The following ENTPD2 variants were observed in gnomAD, a reference collection of about 807,000 sequenced individuals.
ENTPD2 encodes CD39 antigen-like 1.
In ENTPD2, 48 loss-of-function variants were observed where a neutral mutation model predicts 46.8. That is an observed-to-expected ratio of 1.03 (90% confidence interval 0.81 to 1.30). The LOEUF is 1.30. Ranked by LOEUF, ENTPD2 falls within the 50% of genes most tolerant of loss-of-function variation. The probability of loss-of-function intolerance (pLI) is 0.00; values close to 1 mark genes in which losing one functional copy is unlikely to be tolerated. For synonymous variants in ENTPD2, 316 were observed against 286.1 expected, an observed-to-expected ratio of 1.10 and a Z score of -1.06; for missense variants, 707 against 651.1, an observed-to-expected ratio of 1.09 and a Z score of -0.93.
chr9:137,048,558 A>C lies in ENTPD2; in HGVS notation c.*99T>G. On this transcript the variant is annotated 3_prime_UTR_variant, in exon 9 of 9. Transcript: ENST00000355097. ...GAGAGGGGTGGGTGGAGGGGTGGGGATACAGGGGTGGGAGGTACAGGGGTT... is the reference window on the plus strand; with the variant it reads ...GAGAGGGGTGGGTGGAGGGGTGGGGCTACAGGGGTGGGAGGTACAGGGGTT... 2 of 914,766 alleles carry C rather than the reference A, an allele frequency of 2.2e-6. No homozygotes were observed. Among genetic ancestry groups the C allele is most frequent in the Non-Finnish European group, 3.1e-6 (2 of 649,824 alleles). 56.7% of individuals were successfully genotyped at this position (914,766 alleles called of 1,614,324 possible).
At chr9:137,053,741 G>A (rs1832346894) in intron 1 of ENTPD2, 140 bp downstream of exon 1, 2 of 516,164 alleles carry the variant, frequency 3.9e-6, no homozygotes, top group Non-Finnish European at 5.9e-6. Flanking sequence ...GCGGAACCCG[G>A]GACCCCACCC....
At position 137,050,539 on chromosome 9, in the gene ENTPD2, C is replaced by T. The variant is rs1033933600; in HGVS notation, c.775-1G>A. On this transcript the variant is annotated splice_acceptor_variant, in intron 5 of 8. Transcript: ENST00000355097. LOFTEE classifies it high-confidence loss of function. Reference sequence around the variant, plus strand: ...GCCAGCAGGGGTGGAAGCCGTGGGTCTGGGGGAATCACCAGCGTGACAGGG... The same window carrying T: ...GCCAGCAGGGGTGGAAGCCGTGGGTTTGGGGGAATCACCAGCGTGACAGGG... The T allele has an allele frequency of 6.2e-7, 1 of 1,610,852 alleles. No homozygotes were observed. Among genetic ancestry groups the T allele is most frequent in the Middle Eastern group, 1.7e-4 (1 of 6,048 alleles).
chr9:137,048,930 C>T lies in ENTPD2; in HGVS notation c.1284+11G>A. 1 of 1,516,670 alleles carries T rather than the reference C, an allele frequency of 6.6e-7. No homozygotes were observed. Among genetic ancestry groups the T allele is most frequent in the Non-Finnish European group, 8.8e-7 (1 of 1,133,706 alleles). 94.0% of individuals were successfully genotyped at this position (1,516,670 alleles called of 1,614,324 possible). On this transcript the variant is annotated intron_variant, in intron 8 of 8. Coordinates refer to ENST00000355097, the MANE Select transcript of ENTPD2 (RefSeq NM_203468.3). ...GCAAGGTCGGCCCCGCCCCGCCCCG[C>T]CCCAGCCCACCTTCTTCTGGAAGAT...
At chr9:137,049,125 G>A (rs1232709641) in intron 7 of ENTPD2, 50 bp from the exon 8 acceptor site, 2 of 1,532,030 alleles carry the variant, frequency 1.3e-6, no homozygotes, top group African/African-American at 2.7e-5. Flanking sequence ...AGGAGGTCTC[G>A]GCCCCACGGG....
chr9:137,048,526 A>T lies in ENTPD2; in HGVS notation c.*131T>A. 1.8e-6 allele frequency: 1 copy of T among 570,478 alleles called. No homozygotes were observed. The highest frequency in any genetic ancestry group is 2.9e-6 in the Non-Finnish European group (1 of 343,380). 35.3% of individuals were successfully genotyped at this position (570,478 alleles called of 1,614,324 possible). On this transcript the variant is annotated 3_prime_UTR_variant, in exon 9 of 9. Coordinates refer to ENST00000355097, the MANE Select transcript of ENTPD2 (RefSeq NM_203468.3). ...ATGCAGGATACAGGGGCGGGGAGAGAGGTTGGGAGAGGGGTGGGTGGAGGG... is the reference window on the plus strand; with the variant it reads ...ATGCAGGATACAGGGGCGGGGAGAGTGGTTGGGAGAGGGGTGGGTGGAGGG...
At position 137,053,997 on chromosome 9, in the gene ENTPD2, TGGGCGGGC is replaced by T; in HGVS notation, c.-8_-1del. On this transcript the variant is annotated 5_prime_UTR_variant, in exon 1 of 9. Coordinates refer to ENST00000355097, the MANE Select transcript of ENTPD2 (RefSeq NM_203468.3). ...AGCAGTGACCGCACCTTCCCGGCCA[TGGGCGGGC>T]GGGCGCGCGGGAGGACGATGCGTGG... The T allele has an allele frequency of 8.4e-7, 1 of 1,197,444 alleles. No homozygotes were observed. Among genetic ancestry groups the T allele is most frequent in the Non-Finnish European group, 1.0e-6 (1 of 963,300 alleles). 74.2% of individuals were successfully genotyped at this position (1,197,444 alleles called of 1,614,324 possible).
In ENTPD2 at chr9:137,051,117, C is replaced by G; in HGVS notation, c.559G>C (p.Gly187Arg). 6.2e-7 allele frequency: 1 copy of G among 1,612,840 alleles called. No homozygotes were observed. Among genetic ancestry groups the G allele is most frequent in the Non-Finnish European group, 8.5e-7 (1 of 1,180,006 alleles). ...LENFIKYGWV[G>R]RWFRPRKGTL... ...CCCTTCCGTGGCCGGAACCACCGGC[C>G]CACCCAGCCGTACTGTGGAGAGGGG... The change falls in exon 5 of 9, where the codon GGC (glycine) becomes CGC (arginine). Residue 187 changes from glycine (G) to arginine (R), a missense_variant. By Grantham distance (125) the Gly-to-Arg change is moderately radical. Transcript: ENST00000355097.
In ENTPD2 at chr9:137,049,955, A is replaced by G. The variant is rs1832226712; in HGVS notation, c.1064T>C (p.Leu355Ser). The change falls in exon 7 of 9, where the codon TTG (leucine) becomes TCG (serine). Residue 355 changes from leucine (L) to serine (S), a missense_variant. Physicochemically the swap from Leu to Ser is moderately radical, Grantham distance 145. Transcript: ENST00000355097. ...FSAFFYTVDF[L>S]RTSMGLPVAT... ...CACGGGCAGCCCCATCGAAGTCCGC[A>G]AAAAGTCCACAGTGTAGAAGAAGGC... 2.5e-6 allele frequency: 4 copies of G among 1,612,614 alleles called. No individual in the cohort carries two copies. Among genetic ancestry groups the G allele is most frequent in the Non-Finnish European group, 3.4e-6 (4 of 1,179,808 alleles).
At position 137,051,070 on chromosome 9, in the gene ENTPD2, C is replaced by T. The variant is rs896680985; in HGVS notation, c.606G>A (p.Leu202=). The T allele has an allele frequency of 2.5e-6, 4 of 1,612,892 alleles. No homozygotes were observed. In the South Asian group the frequency reaches 4.4e-5, roughly 18 times the overall value. The part of the protein sequence containing the change: ...PRKGTLGAMD[L]GGASTQITFE... ...AAGTGATCTGGGTAGAGGCACCCCC[C>T]AGGTCCATGGCCCCCAGTGTCCCCT... Residue 202 remains leucine (L), a synonymous_variant, in exon 5 of 9, where the codon CTG becomes CTA. Transcript: ENST00000355097.
rs1398035791 is a variant in ENTPD2 at position 137,050,417 on chromosome 9, AC to A, written c.895del (p.Val299SerfsTer76). On this transcript the variant is annotated frameshift_variant, in exon 6 of 9. Transcript: ENST00000355097. LOFTEE classifies it high-confidence loss of function. ...RPQNFNSSARVSLSGSSDPHL... is the reference protein window; with the variant it reads ...RPQNFNSSARXSLSGSSDPHL... ...GGGGTCACTGCTCCCTGACAGGCTG[AC>A]CCTGGCACTGCTGTTGAAGTTCTGG... The A allele has an allele frequency of 1.2e-6, 2 of 1,612,854 alleles. No homozygotes were observed. The highest frequency in any genetic ancestry group is 1.7e-6 in the Non-Finnish European group (2 of 1,180,020).
intron 7 of ENTPD2, chr9:137,049,354 C>T: frequency 1.5e-6 from 1 of 666,482 alleles, no homozygotes; most frequent in Non-Finnish European, 2.7e-6. Flanking sequence ...GGCAGCAACA[C>T]CTTGGTGTGT....
At position 137,048,802 on chromosome 9, in the gene ENTPD2, A is replaced by T; in HGVS notation, c.1343T>A (p.Ile448Asn). ...GCGCAGCCCCGGCGGGTCGGCGGGG[A>T]TCAGGTTGGTCAGGTTCAGCATGTA... ...LGYMLNLTNL[I>N]PADPPGLRKG... Residue 448 changes from isoleucine to asparagine, a missense_variant, in exon 9 of 9, where the codon ATC (isoleucine) becomes AAC (asparagine). Physicochemically the swap from Ile to Asn is moderately radical, Grantham distance 149 (BLOSUM62 -3). Transcript: ENST00000355097. The T allele has an allele frequency of 6.3e-7, 1 of 1,581,598 alleles. No homozygotes were observed. The highest frequency in any genetic ancestry group is 1.2e-5 in the South Asian group (1 of 85,916).
Position 137,050,305 on chromosome 9 carries a change from G to A in ENTPD2, c.1008C>T (p.Pro336=). ...SRCSFNGVFQ[P]PVAGNFVAFS... ...TCACCACAAAGTTCCCAGCCACTGGGGGCTGGAAGACCCCATTGAAAGAGC... is the reference window on the plus strand; with the variant it reads ...TCACCACAAAGTTCCCAGCCACTGGAGGCTGGAAGACCCCATTGAAAGAGC... The change falls in exon 6 of 9, where the codon CCC becomes CCT. Residue 336 remains proline (P), a synonymous_variant. Coordinates refer to ENST00000355097, the MANE Select transcript of ENTPD2 (RefSeq NM_203468.3). 2 of 1,602,930 alleles carry A rather than the reference G, an allele frequency of 1.2e-6. No homozygotes were observed. Among genetic ancestry groups the A allele is most frequent in the Non-Finnish European group, 1.7e-6 (2 of 1,174,730 alleles).
At chr9:137,052,481 G>A in intron 1 of ENTPD2, 133 bp from the exon 2 acceptor site, 1 of 702,708 alleles carries the variant, frequency 1.4e-6, no homozygotes, top group South Asian at 1.7e-5. Flanking sequence ...GCCTCATGCT[G>A]AAGCTCAGAG....
Position 137,048,978 on chromosome 9 carries a change from T to TCGAAGCC in ENTPD2, c.1240_1246dup (p.Asp416GlyfsTer225). Reference sequence around the variant, plus strand: ...GATCACGCCGCCGAAGGCGCGCTCGTCGAAGCCGTAGCCGCGACTCAGCAG... The same window carrying TCGAAGCC: ...GATCACGCCGCCGAAGGCGCGCTCGTCGAAGCCCGAAGCCGTAGCCGCGACTCAGCAG... On this transcript the variant is annotated frameshift_variant, in exon 8 of 9. Coordinates refer to ENST00000355097, the MANE Select transcript of ENTPD2 (RefSeq NM_203468.3). LOFTEE classifies it low-confidence loss of function (END_TRUNC). 1 of 1,525,538 alleles carries TCGAAGCC rather than the reference T, an allele frequency of 6.6e-7. No homozygotes were observed. The highest frequency in any genetic ancestry group is 8.8e-7 in the Non-Finnish European group (1 of 1,139,080). 94.5% of individuals were successfully genotyped at this position (1,525,538 alleles called of 1,614,324 possible).
chr9:137,050,377 A>G lies in ENTPD2; in HGVS notation c.936T>C (p.Asp312=). 6.2e-7 allele frequency: 1 copy of G among 1,612,878 alleles called. No individual in the cohort carries two copies. Among genetic ancestry groups the G allele is most frequent in the Non-Finnish European group, 8.5e-7 (1 of 1,179,962 alleles). The part of the protein sequence containing the change: ...SGSSDPHLCR[D]LVSGLFSFSS... The stretch of plus-strand genomic sequence containing the variant: ...AGAAGCTGAAGAGCCCAGAAACCAG[A>G]TCTCGGCAGAGGTGGGGGTCACTGC... The change falls in exon 6 of 9, where the codon GAT becomes GAC. Residue 312 remains aspartate, a synonymous_variant. Coordinates refer to ENST00000355097, the MANE Select transcript of ENTPD2 (RefSeq NM_203468.3).
At chr9:137,052,126 C>A in intron 2 of ENTPD2, 105 bp downstream of exon 2, 1 of 1,006,624 alleles carries the variant, frequency 9.9e-7, no homozygotes, top group Non-Finnish European at 1.5e-6. Context: ...CTGGAGTGAG[C>A]CCCACCCAAC....
chr9:137,051,515 C>T lies in ENTPD2; in HGVS notation c.381G>A (p.Leu127=). The change falls in exon 3 of 9, where the codon CTG becomes CTA. Residue 127 remains leucine, a synonymous_variant. Coordinates refer to ENST00000355097, the MANE Select transcript of ENTPD2 (RefSeq NM_203468.3). ...CAGGGCACAGGCACACTCACTTGAG[C>T]AGGCGCATACCCGCTGTGGCTCCCA... ...LYLGATAGMR[L]LNLTNPEAST... is the part of the protein sequence containing the mutation. 5 of 1,594,930 alleles carry T rather than the reference C, an allele frequency of 3.1e-6. No homozygotes were observed. The highest frequency in any genetic ancestry group is 3.4e-6 in the Non-Finnish European group (4 of 1,170,406).
chr9:137,050,476 C>T lies in ENTPD2; in HGVS notation c.837G>A (p.Val279=), dbSNP rs1219426730. The change falls in exon 6 of 9, where the codon GTG becomes GTA. Residue 279 remains valine, a synonymous_variant. Coordinates refer to ENST00000355097, the MANE Select transcript of ENTPD2 (RefSeq NM_203468.3). ...GGGCCATGGTGCATGGTGACTGGTA[C>T]ACATCCCCGAGCAGCACTTGGGTGG... ...GFSTQVLLGD[V]YQSPCTMAQR... is the part of the protein sequence containing the mutation. The T allele has an allele frequency of 1.2e-6, 2 of 1,612,866 alleles. No homozygotes were observed. Among genetic ancestry groups the T allele is most frequent in the Admixed American group, 1.7e-5 (1 of 60,020 alleles).
Sources: gnomAD v4.1 joint callset for allele counts on GRCh38, gnomAD v4.1.1 for gene constraint, MANE v1.5 for transcripts, NCBI Gene and HGNC (gene_info 2026-07-23, HGNC 2026-07-21) for gene names.